ZFYVE16: variants seen among roughly 807,000 people sequenced by gnomAD.
ZFYVE16 encodes zinc finger FYVE domain-containing protein 16.
A neutral mutation model predicts 138.1 loss-of-function variants in ZFYVE16; 89 were observed. The observed-to-expected ratio is 0.64, with a 90% CI of 0.54 to 0.77. The LOEUF (loss-of-function observed/expected upper bound fraction) is 0.77, where lower values mean the gene tolerates loss of function less well. ZFYVE16 is among the 30% of genes least tolerant of loss of function. The pLI is 0.00. For missense variants in ZFYVE16, 1,793 were observed against 1,786.7 expected (o/e 1.00, Z -0.06); for synonymous variants, 596 against 618.3 (o/e 0.96, Z 0.53).
chr5:80,442,075 T>G (rs1237119982), intron 5 of ZFYVE16: 4 of 362,160 alleles, frequency 1.1e-5, no homozygotes, highest in Non-Finnish European at 1.5e-5. Context: ...AGTGTAAGAG[T>G]GATAGATAGT....
In ZFYVE16 at chr5:80,438,048, AAGAT is replaced by A. The variant is rs765294121; in HGVS notation, c.1368_1371del (p.Asp457LeufsTer5). 374 of 1,613,988 alleles carry A rather than the reference AAGAT, an allele frequency of 2.3e-4. 1 individual carries two copies. The highest frequency in any genetic ancestry group is 4.1e-5 in the Non-Finnish European group (48 of 1,179,984). On this transcript the variant is annotated frameshift_variant, in exon 4 of 19. Coordinates refer to ENST00000505560, the MANE Select transcript of ZFYVE16 (RefSeq NM_001284236.3). LOFTEE classifies it high-confidence loss of function. The stretch of plus-strand genomic sequence containing the variant: ...ATTAATTGAAGGGATGGAAGACAGA[AAGAT>A]AGATCCTGACCAGACAGTAATCAGA...
At chr5:80,452,805 C>T (rs1752125502) in intron 11 of ZFYVE16, among the ~76,000 whole-genome samples, 1 of 152,102 alleles carries the variant, frequency 6.6e-6, no homozygotes, top group Non-Finnish European at 1.5e-5. Flanking sequence ...GTGATAGAGC[C>T]TGTATCATTC....
chr5:80,410,233 T>G lies in ZFYVE16; in HGVS notation c.-94+2080T>G, dbSNP rs533465366. ...AAAAAGATAATTGTTAGATCAAATA[T>G]TAGGAATCTTTCTCAGGCTATTGGT... On this transcript the variant is annotated intron_variant, in intron 1 of 18. Transcript: ENST00000505560. The G allele has an allele frequency of 2.0e-5, 3 of 152,298 alleles. 1 individual carries two copies. Among genetic ancestry groups the G allele is most frequent in the African/African-American group, 7.2e-5 (3 of 41,564 alleles). 9.4% of individuals were successfully genotyped at this position (152,298 alleles called of 1,614,324 possible).
At chr5:80,431,550 C>A (rs988977470) in intron 2 of ZFYVE16, among the ~76,000 whole-genome samples, 1 of 152,304 alleles carries the variant, frequency 6.6e-6, no homozygotes, top group East Asian at 1.9e-4. Flanking sequence ...GCCTTTCTCA[C>A]CACTCCTATT....
At chr5:80,443,311 C>T in intron 6 of ZFYVE16, 27 bp downstream of exon 6, 1 of 1,586,130 alleles carries the variant, frequency 6.3e-7, no homozygotes, top group Non-Finnish European at 8.5e-7. Flanking sequence ...GTGTCTTAGA[C>T]TAAAGATAAA....
chr5:80,432,386 A>G (rs553753397), intron 2 of ZFYVE16, among the ~76,000 whole-genome samples: 1 of 152,370 alleles, frequency 6.6e-6, no homozygotes, highest in Non-Finnish European at 1.5e-5. Context: ...AGCCATATGT[A>G]GAAAGCTGAA....
chr5:80,415,149 A>T (rs1427009337), intron 1 of ZFYVE16, among the ~76,000 whole-genome samples: 1 of 151,962 alleles, frequency 6.6e-6, no homozygotes, highest in Non-Finnish European at 1.5e-5. Flanking sequence ...GTTTTCTAGG[A>T]TATTTTCTCA....
At chr5:80,432,240 T>C (rs1749155049) in intron 2 of ZFYVE16, among the ~76,000 whole-genome samples, 1 of 152,042 alleles carries the variant, frequency 6.6e-6, no homozygotes, top group Non-Finnish European at 1.5e-5. Context: ...AACAGAGATA[T>C]AGACAAATGG....
intron 2 of ZFYVE16, among the ~76,000 whole-genome samples, chr5:80,430,367 A>G (rs1384442604): frequency 1.3e-5 from 2 of 151,750 alleles, no homozygotes; most frequent in Non-Finnish European, 1.5e-5. Context: ...TGAAGGCAGA[A>G]ATAAAGATGT....
chr5:80,422,744 C>T (rs149849924), intron 1 of ZFYVE16, among the ~76,000 whole-genome samples: 343 of 152,264 alleles, frequency 2.3e-3, no homozygotes, highest in Middle Eastern at 0.01. Context: ...TGAGCCACTA[C>T]GTCCAGCCTG....
At chr5:80,456,915 A>G in intron 13 of ZFYVE16, 30 bp from the exon 14 acceptor site, 1 of 1,576,620 alleles carries the variant, frequency 6.3e-7, no homozygotes, top group Non-Finnish European at 8.6e-7. Context: ...GTGTTTCTAA[A>G]TAAATGTTGT....
chr5:80,438,735 G>A lies in ZFYVE16; in HGVS notation c.2050G>A (p.Val684Ile), dbSNP rs774708139. 6.1e-5 allele frequency: 99 copies of A among 1,613,990 alleles called. No individual in the cohort carries two copies. The highest frequency in any genetic ancestry group is 4.0e-4 in the Admixed American group (24 of 59,992). Residue 684 changes from valine to isoleucine, a missense_variant, in exon 4 of 19, where the codon GTT becomes ATT. This residue lies in a region of ZFYVE16 where 1,295 missense variants were observed against 1,204.3 expected (regional missense o/e 1.08). Coordinates refer to ENST00000505560, the MANE Select transcript of ZFYVE16 (RefSeq NM_001284236.3). ...IESEPSTADT[V>I]VPITCAIDST... ...AAGTGAACCCAGCACAGCAGATACC[G>A]TTGTTCCAATCACTTGTGCTATAGA... is the stretch of plus-strand genomic sequence containing the variant.
chr5:80,448,709 AT>A (rs200461336), intron 8 of ZFYVE16, among the ~76,000 whole-genome samples: 6 of 150,866 alleles, frequency 4.0e-5, no homozygotes, highest in South Asian at 2.1e-4. Flanking sequence ...TATTATTACT[AT>A]TTTTTTTTAG....
chr5:80,430,594 A>G (rs1190173012), intron 2 of ZFYVE16, among the ~76,000 whole-genome samples: 8 of 152,068 alleles, frequency 5.3e-5, no homozygotes, highest in Non-Finnish European at 1.0e-4. Context: ...AGATCAGAGC[A>G]GAACTGAAGG....
chr5:80,418,140 T>C (rs1746528003), intron 1 of ZFYVE16, among the ~76,000 whole-genome samples: 1 of 152,184 alleles, frequency 6.6e-6, no homozygotes. Context: ...GATTATTTTC[T>C]TTCTTCTTTT....
At chr5:80,447,975 G>C in intron 7 of ZFYVE16, 51 bp from the exon 8 acceptor site, 1 of 1,441,020 alleles carries the variant, frequency 6.9e-7, no homozygotes, top group Non-Finnish European at 9.3e-7. Flanking sequence ...TTTCATAGTT[G>C]AACAGAGAAT....
At position 80,437,609 on chromosome 5, in the gene ZFYVE16, A is replaced by T; in HGVS notation, c.924A>T (p.Lys308Asn). 3.1e-6 allele frequency: 5 copies of T among 1,612,842 alleles called. No homozygotes were observed. The highest frequency in any genetic ancestry group is 4.2e-6 in the Non-Finnish European group (5 of 1,179,636). ...KTSALTCSLP[K>N]NEDLCLNDSN... Reference sequence around the variant, plus strand: ...GTGCTTTGACCTGCAGCCTTCCGAAAAATGAAGATTTATGCTTAAATGATT... The same window carrying T: ...GTGCTTTGACCTGCAGCCTTCCGAATAATGAAGATTTATGCTTAAATGATT... The change falls in exon 4 of 19, where the codon AAA (lysine) becomes AAT (asparagine). Residue 308 changes from lysine (K) to asparagine (N), a missense_variant. This residue lies in a region of ZFYVE16 where 1,295 missense variants were observed against 1,204.3 expected (regional missense o/e 1.08). Transcript: ENST00000505560.
rs78196638 is a variant in ZFYVE16 at position 80,441,686 on chromosome 5, C to T, written c.2420-1437C>T. 108 of 985,146 alleles carry T rather than the reference C, an allele frequency of 1.1e-4. 1 individual carries two copies. Among genetic ancestry groups the T allele is most frequent in the South Asian group, 4.7e-5 (1 of 21,288 alleles). 61.0% of individuals were successfully genotyped at this position (985,146 alleles called of 1,614,324 possible). On this transcript the variant is annotated intron_variant, in intron 5 of 18. Transcript: ENST00000505560. ...ATTATGTGAGTTTCAAGGAAGCACA[C>T]GTGAATATCAATAAGTAGATTTGAG... is the stretch of plus-strand genomic sequence containing the variant.
Position 80,438,306 on chromosome 5 carries a change from T to A in ZFYVE16, c.1621T>A (p.Tyr541Asn). The change falls in exon 4 of 19, where the codon TAT (tyrosine) becomes AAT (asparagine). Residue 541 changes from tyrosine to asparagine, a missense_variant. Tyr to Asn is a moderately radical substitution (Grantham distance 143). This residue lies in a region of ZFYVE16 where 1,295 missense variants were observed against 1,204.3 expected (regional missense o/e 1.08). Transcript: ENST00000505560. ...AELDAFLTEQ[Y>N]LQTTNIKSFE... The stretch of plus-strand genomic sequence containing the variant: ...ACTTGATGCCTTTCTGACAGAACAG[T>A]ATCTTCAGACCACTAACATAAAGTC... The A allele has an allele frequency of 6.2e-7, 1 of 1,614,040 alleles. No individual in the cohort carries two copies.
Sources: allele counts gnomAD v4.1 joint callset (sites outside exome capture counted in the v4.1 genomes callset), GRCh38; gene constraint gnomAD v4.1.1; regional missense constraint gnomAD v4.1.1; transcripts MANE v1.5; gene names NCBI Gene and HGNC (gene_info 2026-07-23, HGNC 2026-07-21).